LUC7L2: variants seen among roughly 807,000 people sequenced by gnomAD.
LUC7L2 encodes putative RNA-binding protein Luc7-like 2.
Under a neutral mutation model 52.8 loss-of-function variants are expected in LUC7L2, and 25 were observed. The observed-to-expected ratio is 0.47, with a 90% CI of 0.34 to 0.66. The LOEUF (loss-of-function observed/expected upper bound fraction) is 0.66, where lower values mean the gene tolerates loss of function less well. Ranked by LOEUF, LUC7L2 falls within the 30% of genes least tolerant of loss-of-function variation. The pLI is 0.01. For synonymous variants in LUC7L2, 144 were observed against 160.9 expected (o/e 0.89, Z 0.80); for missense variants, 328 against 497.8 (o/e 0.66, Z 3.25).
At chr7:139,386,871 C>G (rs1794225116) in intron 2 of LUC7L2, among the ~76,000 whole-genome samples, 1 of 151,520 alleles carries the variant, frequency 6.6e-6, no homozygotes, top group African/African-American at 2.4e-5. Context: ...CAGAGTTTTG[C>G]TCTTGTTCCC....
intron 9 of LUC7L2, among the ~76,000 whole-genome samples, chr7:139,421,658 C>G (rs1325903806): frequency 1.3e-5 from 2 of 152,160 alleles, no homozygotes; most frequent in Non-Finnish European, 2.9e-5. Flanking sequence ...CAAACTGTTG[C>G]CGATAGGCCA....
rs899088625 is a variant in LUC7L2 at position 139,417,703 on chromosome 7, T to C, written c.975T>C (p.Asp325=). 3 of 1,613,992 alleles carry C rather than the reference T, an allele frequency of 1.9e-6. No individual in the cohort carries two copies. The highest frequency in any genetic ancestry group is 1.1e-5 in the South Asian group (1 of 91,080). ...AGAGAAGTCGGCACAGTTCTAGAGA[T>C]AGGAGCAGAGAACGATCCAAGAGGA... ...SHQRSRHSSR[D]RSRERSKRRS... is the part of the protein sequence containing the mutation. Residue 325 remains aspartate, a synonymous_variant, in exon 9 of 10, where the codon GAT becomes GAC. Coordinates refer to ENST00000354926, the MANE Select transcript of LUC7L2 (RefSeq NM_016019.5).
At chr7:139,411,726 A>G (rs1397443254) in intron 7 of LUC7L2, among the ~76,000 whole-genome samples, 1 of 152,186 alleles carries the variant, frequency 6.6e-6, no homozygotes, top group African/African-American at 2.4e-5. Flanking sequence ...AAGTGCCTTA[A>G]GTAGAGTATC....
intron 8 of LUC7L2, chr7:139,416,995 A>G (rs551602025): frequency 6.6e-6 from 1 of 152,440 alleles, no homozygotes; most frequent in East Asian, 1.9e-4. Flanking sequence ...ACTATTTCTG[A>G]TAATAAATTT....
chr7:139,400,955 C>T (rs1230832835), intron 3 of LUC7L2, among the ~76,000 whole-genome samples: 3 of 152,146 alleles, frequency 2.0e-5, no homozygotes. Context: ...TCAATGTGTG[C>T]TGAATAAATT....
At chr7:139,396,470 G>C (rs373074524) in intron 2 of LUC7L2, among the ~76,000 whole-genome samples, 1 of 152,084 alleles carries the variant, frequency 6.6e-6, no homozygotes, top group East Asian at 1.9e-4. Flanking sequence ...TATTCAGAGA[G>C]TTGAAGTCTG....
intron 6 of LUC7L2, among the ~76,000 whole-genome samples, chr7:139,408,606 G>T (rs932741141): frequency 2.0e-5 from 3 of 152,062 alleles, no homozygotes; most frequent in African/African-American, 4.8e-5. Flanking sequence ...CACTTTGGGA[G>T]GCCAAGGCGG....
intron 1 of LUC7L2, chr7:139,345,360 A>C: frequency 2.3e-6 from 3 of 1,279,848 alleles, no homozygotes. Context: ...AGATGTATTA[A>C]GTATACATGT....
intron 1 of LUC7L2, chr7:139,375,777 A>G: frequency 3.0e-6 from 1 of 332,050 alleles, no homozygotes. Context: ...TAATCTTTAA[A>G]GTCCATTCCT....
chr7:139,360,143 A>AGGC lies in LUC7L2; in HGVS notation c.-109_-107dup, dbSNP rs1554385571. ...TCCGGCTCCCTTTCCGCACGCCTCG[A>AGGC]GGCGGCGGCGGCCACCGAGACAGCA... On this transcript the variant is annotated 5_prime_UTR_variant, in exon 1 of 10. Coordinates refer to ENST00000354926, the MANE Select transcript of LUC7L2 (RefSeq NM_016019.5). 3 of 668,776 alleles carry AGGC rather than the reference A, an allele frequency of 4.5e-6. No homozygotes were observed. Among genetic ancestry groups the AGGC allele is most frequent in the Non-Finnish European group, 4.9e-6 (2 of 406,120 alleles). 41.4% of individuals were successfully genotyped at this position (668,776 alleles called of 1,614,324 possible). A position where few individuals can be genotyped will look rare whatever the true frequency, so the allele number is the denominator to read the frequency against.
chr7:139,406,719 A>C (rs1408047880), intron 5 of LUC7L2, among the ~76,000 whole-genome samples: 1 of 152,000 alleles, frequency 6.6e-6, no homozygotes, highest in East Asian at 1.9e-4. Flanking sequence ...AAATCTCTCT[A>C]AGTTGTATTT....
rs770226226 is a variant in LUC7L2, at chr7:139,412,267, T to C, written c.780-284T>C. On this transcript the variant is annotated intron_variant, in intron 7 of 9. Transcript: ENST00000354926. Reference sequence around the variant, plus strand: ...AAACAGAAAAAATCCGAAACACTTATGATCCTTAGCGTTTCGGAGAAGGAG... The same window carrying C: ...AAACAGAAAAAATCCGAAACACTTACGATCCTTAGCGTTTCGGAGAAGGAG... 1.3e-3 allele frequency among the ~76,000 whole-genome samples: 190 copies of C among 151,600 alleles called. 2 individuals are homozygous for C. The highest frequency in any genetic ancestry group is 3.3e-4 in the Admixed American group (5 of 15,206).
At chr7:139,401,657 T>G (rs1794921558) in intron 3 of LUC7L2, among the ~76,000 whole-genome samples, 1 of 152,034 alleles carries the variant, frequency 6.6e-6, no homozygotes, top group South Asian at 2.1e-4. Flanking sequence ...TTCACCATGT[T>G]GGCCAGCGTA....
intron 1 of LUC7L2, among the ~76,000 whole-genome samples, chr7:139,364,430 T>G (rs1800042037): frequency 6.6e-6 from 1 of 152,172 alleles, no homozygotes; most frequent in South Asian, 2.1e-4. Flanking sequence ...TTTTATAGCA[T>G]CATTAATTGT....
intron 1 of LUC7L2, among the ~76,000 whole-genome samples, chr7:139,346,509 G>A (rs1432176386): frequency 6.6e-6 from 1 of 152,180 alleles, no homozygotes; most frequent in Admixed American, 6.5e-5. Flanking sequence ...GGACATTGAG[G>A]AGAGTTAAAG....
intron 4 of LUC7L2, among the ~76,000 whole-genome samples, chr7:139,402,870 A>G (rs1288614672): frequency 6.6e-6 from 1 of 152,158 alleles, no homozygotes; most frequent in Non-Finnish European, 1.5e-5. Context: ...CACAGTTAGG[A>G]TGCTTAAGTA....
upstream of LUC7L2, among the ~76,000 whole-genome samples, chr7:139,356,876 G>T (rs1435211383): frequency 6.6e-6 from 1 of 152,130 alleles, no homozygotes; most frequent in African/African-American, 2.4e-5. Context: ...GATCCCAGAT[G>T]GACAGGCAGA....
At chr7:139,398,790 C>G in intron 3 of LUC7L2, 93 bp downstream of exon 3, 1 of 1,152,126 alleles carries the variant, frequency 8.7e-7, no homozygotes, top group Non-Finnish European at 1.2e-6. Context: ...AAACTCTTAG[C>G]AGTTTATCCT....
At chr7:139,383,138 G>A (rs528454686) in intron 2 of LUC7L2, among the ~76,000 whole-genome samples, 7 of 151,390 alleles carry the variant, frequency 4.6e-5, no homozygotes, top group Admixed American at 3.9e-4. Context: ...TTTTTGAGAC[G>A]GAGTTTTGCT....
Sources: allele counts gnomAD v4.1 joint callset (sites outside exome capture counted in the v4.1 genomes callset), GRCh38; gene constraint gnomAD v4.1.1; transcripts MANE v1.5; gene names NCBI Gene and HGNC (gene_info 2026-07-23, HGNC 2026-07-21).